The following PID1 variants were observed in gnomAD, a reference collection of about 807,000 sequenced individuals.
PID1 encodes phosphotyrosine interaction domain containing 1, also known as PTB-containing, cubilin and LRP1-interacting protein.
In PID1, 10 loss-of-function variants were observed where a neutral mutation model predicts 19.1. The ratio of observed to expected loss-of-function variants is 0.52; its 90% confidence interval spans 0.32 to 0.89. The LOEUF is 0.89. Ranked by LOEUF, PID1 falls within the 40% of genes least tolerant of loss-of-function variation. The pLI is 0.03. For missense variants in PID1, 248 were observed against 285.3 expected (o/e 0.87, Z 0.94); for synonymous variants, 130 against 116.0 (o/e 1.12, Z -0.78).
intron 2 of PID1, among the ~76,000 whole-genome samples, chr2:229,034,392 T>C (rs1253624301): frequency 6.6e-6 from 1 of 152,222 alleles, no homozygotes; most frequent in Non-Finnish European, 1.5e-5. Context: ...GCTGTTTCTA[T>C]AGATTAGGGA....
At chr2:229,254,629 T>A in intron 1 of PID1, among the ~76,000 whole-genome samples, 1 of 152,238 alleles carries the variant, frequency 6.6e-6, no homozygotes, top group East Asian at 1.9e-4. Context: ...AATTCTAGTC[T>A]AGGTTTTCAG....
At chr2:229,102,334 A>G (rs569659061) in intron 2 of PID1, among the ~76,000 whole-genome samples, 1 of 152,330 alleles carries the variant, frequency 6.6e-6, no homozygotes, top group East Asian at 1.9e-4. Context: ...AAAAGTAAAC[A>G]AATTTGCACT....
At chr2:229,055,495 T>G (rs531555341) in intron 2 of PID1, among the ~76,000 whole-genome samples, 6 of 152,350 alleles carry the variant, frequency 3.9e-5, no homozygotes, top group African/African-American at 1.4e-4. Context: ...AAAGTGGAGT[T>G]GCCTTGGGTA....
intron 1 of PID1, among the ~76,000 whole-genome samples, chr2:229,196,345 T>C (rs114356411): frequency 0.012 from 1,838 of 152,220 alleles, 32 homozygotes; most frequent in African/African-American, 0.042. Flanking sequence ...AAAGAATCTA[T>C]GCCTTCAAAG....
rs1205898803 is a variant in PID1, at chr2:229,271,160, T to C, written c.-117A>G. ...GTCGGTGTCCGCGGGATGTGCGTCC[T>C]GGCGCTGGCCACCGCCGCCGGGTGG... On this transcript the variant is annotated 5_prime_UTR_variant, in exon 1 of 3. Coordinates refer to ENST00000392055, the MANE Select transcript of PID1 (RefSeq NM_001100818.2). 9 of 1,203,768 alleles carry C rather than the reference T, an allele frequency of 7.5e-6. No homozygotes were observed. The South Asian group carries it at 1.0e-4, about 14-fold the overall frequency. 74.6% of individuals were successfully genotyped at this position (1,203,768 alleles called of 1,614,324 possible). A position where few individuals can be genotyped will look rare whatever the true frequency, so the allele number is the denominator to read the frequency against.
chr2:229,109,993 TCTAC>T (rs1695264396), intron 2 of PID1, among the ~76,000 whole-genome samples: 1 of 152,200 alleles, frequency 6.6e-6, no homozygotes, highest in Admixed American at 6.5e-5. Context: ...GAGGAGTCAC[TCTAC>T]CTGTTTCTGT....
At chr2:229,232,019 C>T (rs1274697921) in intron 1 of PID1, 3 of 1,550,034 alleles carry the variant, frequency 1.9e-6, no homozygotes, top group Non-Finnish European at 8.7e-7. Context: ...ATGCTGTGTC[C>T]TCACACAGTG....
chr2:229,096,270 A>C (rs1694969195), intron 2 of PID1, among the ~76,000 whole-genome samples: 1 of 152,206 alleles, frequency 6.6e-6, no homozygotes, highest in Non-Finnish European at 1.5e-5. Context: ...AGGGAATCAC[A>C]ATGCTACCAT....
intron 1 of PID1, among the ~76,000 whole-genome samples, chr2:229,270,806 C>CTGA (rs1174242024): frequency 6.6e-6 from 1 of 152,184 alleles, no homozygotes; most frequent in Non-Finnish European, 1.5e-5. Flanking sequence ...GTTGTAACGC[C>CTGA]TGAACCCGTG....
intron 1 of PID1, among the ~76,000 whole-genome samples, chr2:229,247,775 C>T (rs865875937): frequency 6.6e-6 from 1 of 152,194 alleles, no homozygotes. Context: ...TTTATGAACA[C>T]GCATGCATAA....
chr2:229,159,963 C>T (rs140688133), intron 1 of PID1, among the ~76,000 whole-genome samples: 2 of 152,044 alleles, frequency 1.3e-5, no homozygotes, highest in Non-Finnish European at 2.9e-5. Flanking sequence ...GGTGGTTTGC[C>T]AAGTTGGTTG....
rs147151232 is a variant in PID1 at position 229,025,701 on chromosome 2, G to A, written c.585C>T (p.Ser195=). 96 of 1,614,038 alleles carry A rather than the reference G, an allele frequency of 5.9e-5. No homozygotes were observed. Among genetic ancestry groups the A allele is most frequent in the Non-Finnish European group, 3.7e-5 (44 of 1,179,998 alleles). ...AFRKTFHSMK[S]DGRIHSNSSS... ...AGCTGTTGCTGTGGATCCGCCCGTCGCTCTTCATACTGTGGAAAGTCTTCC... is the reference window on the plus strand; with the variant it reads ...AGCTGTTGCTGTGGATCCGCCCGTCACTCTTCATACTGTGGAAAGTCTTCC... Residue 195 remains serine, a synonymous_variant, in exon 3 of 3, where the codon AGC becomes AGT. Transcript: ENST00000392055.
At chr2:229,239,064 A>G (rs761579668) in intron 1 of PID1, among the ~76,000 whole-genome samples, 3 of 152,068 alleles carry the variant, frequency 2.0e-5, no homozygotes, top group Non-Finnish European at 4.4e-5. Flanking sequence ...CAAATAACCA[A>G]AAGGATGAGA....
At chr2:229,153,825 C>T (rs541253378) in intron 2 of PID1, among the ~76,000 whole-genome samples, 1 of 152,094 alleles carries the variant, frequency 6.6e-6, no homozygotes, top group Non-Finnish European at 1.5e-5. Context: ...TTGCCCTTCC[C>T]GTTTTAAACA....
intron 2 of PID1, among the ~76,000 whole-genome samples, chr2:229,097,712 G>T (rs765790473): frequency 4.6e-5 from 7 of 152,102 alleles, no homozygotes; most frequent in Non-Finnish European, 7.4e-5. Context: ...TATTTCTCTT[G>T]TAAGTGACAC....
At chr2:229,205,423 A>T (rs1691589911) in intron 1 of PID1, among the ~76,000 whole-genome samples, 1 of 152,138 alleles carries the variant, frequency 6.6e-6, no homozygotes, top group Non-Finnish European at 1.5e-5. Flanking sequence ...TACCAATTAA[A>T]ACCTGCCGCA....
At chr2:229,201,257 T>C (rs1481239634) in intron 1 of PID1, among the ~76,000 whole-genome samples, 1 of 152,116 alleles carries the variant, frequency 6.6e-6, no homozygotes, top group Non-Finnish European at 1.5e-5. Flanking sequence ...TGAAACGCTA[T>C]GCTTATTAAA....
intron 1 of PID1, among the ~76,000 whole-genome samples, chr2:229,170,737 A>T (rs1370775880): frequency 6.6e-6 from 1 of 152,206 alleles, no homozygotes; most frequent in Admixed American, 6.5e-5. Context: ...CCTCTTCATG[A>T]CAGTCTTTGA....
intron 2 of PID1, among the ~76,000 whole-genome samples, chr2:229,079,597 G>T (rs1011401922): frequency 6.6e-6 from 1 of 152,194 alleles, no homozygotes; most frequent in East Asian, 1.9e-4. Flanking sequence ...CACTCAAGAC[G>T]TGCCAGGGAA....
Sources: allele counts gnomAD v4.1 joint callset (sites outside exome capture counted in the v4.1 genomes callset), GRCh38; gene constraint gnomAD v4.1.1; transcripts MANE v1.5; gene names NCBI Gene and HGNC (gene_info 2026-07-23, HGNC 2026-07-21).